Variants in PAPOLA observed in about 807,000 individuals in gnomAD.
PAPOLA encodes the protein poly(A) polymerase alpha, also known as polynucleotide adenylyltransferase alpha.
Under a neutral mutation model 100.6 loss-of-function variants are expected in PAPOLA, and 15 were observed. That is an observed-to-expected ratio of 0.15 (90% CI 0.10 to 0.23). PAPOLA has a LOEUF of 0.23. PAPOLA is among the 10% of genes least tolerant of loss of function. The pLI is 1.00. For missense variants in PAPOLA, 533 were observed against 884.2 expected, an observed-to-expected ratio of 0.60 and a Z score of 5.04; for synonymous variants, 293 against 300.0, an observed-to-expected ratio of 0.98 and a Z score of 0.24.
At chr14:96,549,164 A>G (rs72706853) in intron 16 of PAPOLA, among the ~76,000 whole-genome samples, 17,007 of 152,168 alleles carry the variant, frequency 0.11, 1,039 homozygotes, top group South Asian at 0.17. Flanking sequence ...TATCACCATC[A>G]TTGTTATTCA....
In PAPOLA at chr14:96,538,638, T is replaced by C. The variant is rs936710813; in HGVS notation, c.1115+1578T>C. 8.5e-5 allele frequency among the ~76,000 whole-genome samples: 13 copies of C among 152,160 alleles called. No individual in the cohort carries two copies. The East Asian group carries it at 2.5e-3, about 29-fold the overall frequency. On this transcript the variant is annotated intron_variant, in intron 12 of 21. Coordinates refer to ENST00000216277, the MANE Select transcript of PAPOLA (RefSeq NM_032632.5). ...TCAGCTGAGTGTCTTGTGAAAACTT[T>C]TAAAATATGACAATGGGCTAGTTTT...
At chr14:96,509,371 C>T (rs1025505409) in intron 1 of PAPOLA, among the ~76,000 whole-genome samples, 1 of 152,100 alleles carries the variant, frequency 6.6e-6, no homozygotes, top group Non-Finnish European at 1.5e-5. Context: ...AATTAATTTT[C>T]AAGCTCAATT....
At chr14:96,563,341 A>G (rs1902019285) in intron 21 of PAPOLA, among the ~76,000 whole-genome samples, 2 of 152,182 alleles carry the variant, frequency 1.3e-5, no homozygotes, top group African/African-American at 2.4e-5. Flanking sequence ...AATATAGCCC[A>G]TAGCTCTTCA....
At chr14:96,552,940 CA>C in intron 17 of PAPOLA, 1 of 221,702 alleles carries the variant, frequency 4.5e-6, no homozygotes, top group African/African-American at 2.3e-5. Context: ...TGAGAACAGA[CA>C]AAAGGAACAA....
chr14:96,539,068 G>A (rs1899765471), intron 12 of PAPOLA, among the ~76,000 whole-genome samples: 1 of 152,156 alleles, frequency 6.6e-6, no homozygotes, highest in East Asian at 1.9e-4. Context: ...GAAATTTTTG[G>A]AGTTCTAAGA....
At position 96,566,494 on chromosome 14, in the gene PAPOLA, A is replaced by G. The variant is rs1002264058; in HGVS notation, c.*1444A>G. The G allele has an allele frequency of 3.3e-5, 5 of 152,544 alleles. No homozygotes were observed. The highest frequency in any genetic ancestry group is 1.2e-4 in the African/African-American group (5 of 41,438). The allele number at this position is 152,544 out of a possible 1,614,324, so 9.4% of individuals were successfully genotyped here. A position where few individuals can be genotyped will look rare whatever the true frequency, so the allele number is the denominator to read the frequency against. ...TTTTATGAATCCTCCATTGTGCTCC[A>G]TTCTATCACATGTGCATTTTTCATG... On this transcript the variant is annotated 3_prime_UTR_variant, in exon 22 of 22. Coordinates refer to ENST00000216277, the MANE Select transcript of PAPOLA (RefSeq NM_032632.5).
intron 1 of PAPOLA, among the ~76,000 whole-genome samples, chr14:96,507,311 GGAGTCTC>G (rs1335046365): frequency 2.5e-4 from 28 of 114,042 alleles, no homozygotes; most frequent in Middle Eastern, 9.3e-3. Context: ...TTTTTGAGAC[GGAGTCTC>G]GTTCTGTCGC....
rs1218103879 is a variant in PAPOLA, at chr14:96,565,369, G to C, written c.*319G>C. On this transcript the variant is annotated 3_prime_UTR_variant, in exon 22 of 22. Coordinates refer to ENST00000216277, the MANE Select transcript of PAPOLA (RefSeq NM_032632.5). ...GGGTTTATGTTTGATGCATTGTTTG[G>C]AAAATTTGCAATACAAACTGGCATA... 3.3e-6 allele frequency: 1 copy of C among 299,826 alleles called. No individual in the cohort carries two copies. Among genetic ancestry groups the C allele is most frequent in the African/African-American group, 2.1e-5 (1 of 46,734 alleles). The allele number at this position is 299,826 out of a possible 1,614,324, so 18.6% of individuals were successfully genotyped here.
At position 96,523,818 on chromosome 14, in the gene PAPOLA, C is replaced by T. The variant is rs181785837; in HGVS notation, c.250-1492C>T. On this transcript the variant is annotated intron_variant, in intron 3 of 21. Transcript: ENST00000216277. ...ATTAGCTGGGCGTGGTAGTGCGCGC[C>T]TGTAATCCCAGCTACTCAGGAGGCT... 7.9e-5 allele frequency among the ~76,000 whole-genome samples: 12 copies of T among 152,188 alleles called. No homozygotes were observed. The East Asian group carries it at 2.3e-3, about 29-fold the overall frequency.
At position 96,528,016 on chromosome 14, in the gene PAPOLA, A is replaced by G. The variant is rs374126254; in HGVS notation, c.495+10A>G. ...TTTTGATGGGATAGAGGTAAGGTAT[A>G]GTTCAAATTGACAGTTCTTGCTATG... On this transcript the variant is annotated intron_variant, in intron 6 of 21. Transcript: ENST00000216277. The G allele has an allele frequency of 8.3e-6, 13 of 1,575,690 alleles. No homozygotes were observed. Among genetic ancestry groups the G allele is most frequent in the African/African-American group, 8.1e-5 (6 of 74,196 alleles).
intron 15 of PAPOLA, among the ~76,000 whole-genome samples, chr14:96,544,772 C>CTG (rs766009405): frequency 1.3e-5 from 2 of 152,072 alleles, no homozygotes; most frequent in Non-Finnish European, 2.9e-5. Context: ...CTGTGTCTAA[C>CTG]TGCCTTCATC....
chr14:96,512,275 G>A (rs149219427), intron 1 of PAPOLA, among the ~76,000 whole-genome samples: 29 of 151,950 alleles, frequency 1.9e-4, no homozygotes, highest in African/African-American at 7.0e-4. Flanking sequence ...AAAAAAAACT[G>A]GGTGTCATGG....
At chr14:96,561,828 G>GTT (rs529927594) in intron 20 of PAPOLA, among the ~76,000 whole-genome samples, 13,911 of 125,668 alleles carry the variant, frequency 0.11, 736 homozygotes, top group South Asian at 0.18. Context: ...ACAATATTTC[G>GTT]TTTTTTTTTT....
rs866894978 is a variant in PAPOLA at position 96,562,547 on chromosome 14, A to T, written c.2068-272A>T. The T allele has an allele frequency of 1.2e-4, 28 of 242,826 alleles. No individual in the cohort carries two copies. The Middle Eastern group carries it at 2.2e-3, about 19-fold the overall frequency. The allele number at this position is 242,826 out of a possible 1,614,324, so 15.0% of individuals were successfully genotyped here. On this transcript the variant is annotated intron_variant, in intron 20 of 21. Coordinates refer to ENST00000216277, the MANE Select transcript of PAPOLA (RefSeq NM_032632.5). ...TGTTTTTAATTATTGTTTGCTTAAA[A>T]TGTCCCAAGTTGGAGCTGGTTGGAA...
At chr14:96,547,681 C>T in intron 15 of PAPOLA, 116 bp from the exon 16 acceptor site, 3 of 715,048 alleles carry the variant, frequency 4.2e-6, no homozygotes, top group Non-Finnish European at 4.5e-6. Flanking sequence ...GACCGATCTA[C>T]AGATATGCAG....
At chr14:96,528,979 A>G (rs910648833) in intron 6 of PAPOLA, among the ~76,000 whole-genome samples, 4 of 152,214 alleles carry the variant, frequency 2.6e-5, no homozygotes, top group African/African-American at 9.6e-5. Context: ...CCTAAAAAGA[A>G]TATTACTGAC....
At chr14:96,545,543 C>T (rs1900327130) in intron 15 of PAPOLA, among the ~76,000 whole-genome samples, 2 of 151,988 alleles carry the variant, frequency 1.3e-5, no homozygotes, top group South Asian at 4.2e-4. Context: ...TTAAAATACT[C>T]TATTTTTTGT....
intron 6 of PAPOLA, among the ~76,000 whole-genome samples, chr14:96,531,076 C>T (rs1047563371): frequency 2.6e-5 from 4 of 152,122 alleles, no homozygotes; most frequent in African/African-American, 7.2e-5. Flanking sequence ...GGTCTCGGCT[C>T]ACTGCAGTTC....
intron 4 of PAPOLA, among the ~76,000 whole-genome samples, chr14:96,525,786 GT>G (rs1342593334): frequency 4.6e-5 from 7 of 152,122 alleles, no homozygotes; most frequent in African/African-American, 1.7e-4. Context: ...AAAACTCAGA[GT>G]TTCAGTAGAG....
Sources: gnomAD v4.1 joint callset for allele counts (sites outside exome capture counted in the v4.1 genomes callset) on GRCh38, gnomAD v4.1.1 for gene constraint, MANE v1.5 for transcripts, NCBI Gene and HGNC (gene_info 2026-07-23, HGNC 2026-07-21) for gene names.